Variants in MYOF observed in about 807,000 individuals in gnomAD.
The protein encoded by MYOF is fer-1-like 3, myoferlin.
Under a neutral mutation model 284.2 loss-of-function variants are expected in MYOF, and 244 were observed. The ratio of observed to expected loss-of-function variants is 0.86; its 90% confidence interval spans 0.77 to 0.95. MYOF has a LOEUF of 0.95. MYOF is among the 40% of genes least tolerant of loss of function. The pLI is 0.00. For missense variants in MYOF, 2,496 were observed against 2,560.6 expected (o/e 0.97, Z 0.54); for synonymous variants, 904 against 919.7 (o/e 0.98, Z 0.31).
At chr10:93,319,260 A>C (rs1589380341) in intron 49 of MYOF, among the ~76,000 whole-genome samples, 1 of 152,128 alleles carries the variant, frequency 6.6e-6, no homozygotes, top group Non-Finnish European at 1.5e-5. Flanking sequence ...GTGGAGGGTG[A>C]AACCAATTTC....
At chr10:93,336,702 C>T (rs1350924747) in intron 40 of MYOF, among the ~76,000 whole-genome samples, 2 of 151,474 alleles carry the variant, frequency 1.3e-5, no homozygotes, top group Admixed American at 6.6e-5. Flanking sequence ...GAATGGATCA[C>T]TTTATCGTAT....
In MYOF at chr10:93,323,176, G is replaced by T. The variant is rs749508717; in HGVS notation, c.5361-3C>A. The T allele has an allele frequency of 1.9e-6, 3 of 1,614,012 alleles. No individual in the cohort carries two copies. Among genetic ancestry groups the T allele is most frequent in the South Asian group, 1.1e-5 (1 of 91,078 alleles). ...AGATGATCACACGCAGGTAGTATCT[G>T]CAAGAAGCACAGTTGGAAGGTACTT... On this transcript the variant is annotated splice_region_variant and splice_polypyrimidine_tract_variant and intron_variant, in intron 47 of 53. Transcript: ENST00000359263.
At chr10:93,363,236 C>T (rs1454272924) in intron 27 of MYOF, among the ~76,000 whole-genome samples, 1 of 152,152 alleles carries the variant, frequency 6.6e-6, no homozygotes, top group Admixed American at 6.5e-5. Context: ...GAAGTTATAT[C>T]CTTGTTTATG....
At chr10:93,333,632 GT>G (rs1244116509) in intron 42 of MYOF, 125 bp downstream of exon 42, 5 of 1,289,966 alleles carry the variant, frequency 3.9e-6, no homozygotes, top group Non-Finnish European at 5.4e-6. Flanking sequence ...TGAATACATT[GT>G]TTTGATGGAG....
intron 26 of MYOF, among the ~76,000 whole-genome samples, chr10:93,365,514 C>T (rs984968496): frequency 2.0e-5 from 3 of 152,204 alleles, no homozygotes; most frequent in African/African-American, 7.2e-5. Flanking sequence ...GACATTCTAG[C>T]ATAATAGTTG....
At chr10:93,404,714 C>T (rs990132793) in intron 7 of MYOF, among the ~76,000 whole-genome samples, 1 of 151,398 alleles carries the variant, frequency 6.6e-6, no homozygotes, top group Non-Finnish European at 1.5e-5. Context: ...AAAATGAGCG[C>T]TTAGAGCTGG....
At chr10:93,401,298 A>G in intron 12 of MYOF, 120 bp downstream of exon 12, 1 of 1,381,972 alleles carries the variant, frequency 7.2e-7, no homozygotes, top group Non-Finnish European at 9.8e-7. Context: ...TAAGCCCATG[A>G]AGCCCTTTCA....
At chr10:93,382,761 G>A (rs544578596) in intron 19 of MYOF, among the ~76,000 whole-genome samples, 23 of 152,290 alleles carry the variant, frequency 1.5e-4, no homozygotes, top group Middle Eastern at 3.4e-3. Flanking sequence ...CCATGCAATG[G>A]TTTAGGTTGC....
intron 21 of MYOF, among the ~76,000 whole-genome samples, chr10:93,378,273 C>A (rs1436028397): frequency 6.6e-6 from 1 of 152,152 alleles, no homozygotes; most frequent in Admixed American, 6.5e-5. Flanking sequence ...GATTAGGCAG[C>A]CTGGTCAGTG....
rs541572737 is a variant in MYOF at position 93,434,216 on chromosome 10, AG to A, written c.237-2701del. 1.1e-4 allele frequency among the ~76,000 whole-genome samples: 16 copies of A among 152,212 alleles called. No homozygotes were observed. In the East Asian group the frequency reaches 2.7e-3, roughly 26 times the overall value. On this transcript the variant is annotated intron_variant, in intron 3 of 53. Coordinates refer to ENST00000359263, the MANE Select transcript of MYOF (RefSeq NM_013451.4). ...GAGGCCAAGGTGGGTGGATCACTTG[AG>A]GCCAGGAGTTCAAGACCAGCCTGGC...
intron 37 of MYOF, among the ~76,000 whole-genome samples, chr10:93,346,426 G>A (rs1012914994): frequency 7.2e-5 from 11 of 152,364 alleles, no homozygotes; most frequent in South Asian, 2.1e-4. Flanking sequence ...GCCCTCCCAC[G>A]GTGTCTAATT....
intron 27 of MYOF, among the ~76,000 whole-genome samples, chr10:93,361,865 T>C (rs1336323220): frequency 6.6e-6 from 1 of 152,194 alleles, no homozygotes; most frequent in African/African-American, 2.4e-5. Flanking sequence ...AACTTAATAT[T>C]ATGAAATGGT....
chr10:93,340,965 C>T (rs966560600), intron 38 of MYOF, among the ~76,000 whole-genome samples: 15 of 152,122 alleles, frequency 9.9e-5, no homozygotes, highest in South Asian at 6.2e-4. Flanking sequence ...GCTCTTCCTC[C>T]GGTTGCCATG....
chr10:93,456,982 A>G, intron 1 of MYOF, 45 bp from the exon 2 acceptor site: 1 of 1,453,264 alleles, frequency 6.9e-7, no homozygotes, highest in Non-Finnish European at 9.5e-7. Context: ...TTATAAAAAA[A>G]TTAAAGAGCG....
intron 1 of MYOF, among the ~76,000 whole-genome samples, chr10:93,469,923 T>C (rs1391800561): frequency 2.0e-5 from 3 of 152,102 alleles, no homozygotes; most frequent in Non-Finnish European, 4.4e-5. Flanking sequence ...ATTTTTACTT[T>C]TTTGGTGAGA....
intron 37 of MYOF, among the ~76,000 whole-genome samples, chr10:93,347,343 G>C (rs1844237580): frequency 2.0e-5 from 3 of 151,174 alleles, no homozygotes; most frequent in African/African-American, 7.3e-5. Flanking sequence ...ATGAGGTCAG[G>C]AGATCGAGAC....
At chr10:93,362,186 G>A (rs561650345) in intron 27 of MYOF, among the ~76,000 whole-genome samples, 1 of 151,944 alleles carries the variant, frequency 6.6e-6, no homozygotes, top group South Asian at 2.1e-4. Flanking sequence ...CTGACCTCAT[G>A]ATCTGCCCAC....
chr10:93,333,346 T>A, intron 42 of MYOF, 34 bp from the exon 43 acceptor site: 1 of 1,572,170 alleles, frequency 6.4e-7, no homozygotes, highest in Non-Finnish European at 8.8e-7. Context: ...GTTACATCAT[T>A]GTAGGGCGCA....
intron 21 of MYOF, among the ~76,000 whole-genome samples, chr10:93,378,693 G>GTGTGTATATATATATAGATATATATA: frequency 1.1e-5 from 1 of 87,894 alleles, no homozygotes; most frequent in Non-Finnish European, 2.1e-5. Context: ...GTGTGTGTGT[G>GTGTGTATATATATATAGATATATATA]TATATATATA....
Sources: allele counts gnomAD v4.1 joint callset (sites outside exome capture counted in the v4.1 genomes callset), GRCh38; gene constraint gnomAD v4.1.1; transcripts MANE v1.5; gene names NCBI Gene and HGNC (gene_info 2026-07-23, HGNC 2026-07-21).